BEST1: variants seen among roughly 807,000 people sequenced by gnomAD.
The protein encoded by BEST1 is bestrophin-1.
BEST1 carries 58 observed loss-of-function variants against 63.3 expected under a neutral mutation model. The observed-to-expected ratio is 0.92, with a 90% CI of 0.74 to 1.14. BEST1 has a LOEUF of 1.14. Ranked by LOEUF, BEST1 falls within the 50% of genes most tolerant of loss-of-function variation. The probability of loss-of-function intolerance (pLI) is 0.00; values close to 1 mark genes in which losing one functional copy is unlikely to be tolerated. For synonymous variants in BEST1, 283 were observed against 291.6 expected, an observed-to-expected ratio of 0.97 and a Z score of 0.30; for missense variants, 671 against 740.1, an observed-to-expected ratio of 0.91 and a Z score of 1.08.
Position 61,959,956 on chromosome 11 carries a change from G to C in BEST1, c.1013G>C (p.Trp338Ser). ...DLPRMEPDMY[W>S]NKPEPQPPYT... ...CCTCGGATGGAGCCGGACATGTACTGGAATAAGCCCGAGCCACAGCCCCCC... is the reference window on the plus strand; with the variant it reads ...CCTCGGATGGAGCCGGACATGTACTCGAATAAGCCCGAGCCACAGCCCCCC... Residue 338 changes from tryptophan to serine, a missense_variant, in exon 9 of 11, where the codon TGG becomes TCG. Trp to Ser is a radical substitution (Grantham distance 177). Transcript: ENST00000378043. 1 of 1,612,842 alleles carries C rather than the reference G, an allele frequency of 6.2e-7. No individual in the cohort carries two copies. Among genetic ancestry groups the C allele is most frequent in the South Asian group, 1.1e-5 (1 of 90,728 alleles).
chr11:61,954,406 AGAG>A (rs1179118870), intron 2 of BEST1, among the ~76,000 whole-genome samples: 2 of 152,210 alleles, frequency 1.3e-5, no homozygotes, highest in African/African-American at 4.8e-5. Flanking sequence ...AGCATCAGGC[AGAG>A]TAGTTTCACT....
rs281865238 is a variant in BEST1 at position 61,957,402 on chromosome 11, C to A, written c.652C>A (p.Arg218Ser). The A allele has an allele frequency of 6.2e-7, 1 of 1,613,890 alleles. No individual in the cohort carries two copies. The highest frequency in any genetic ancestry group is 2.2e-5 in the East Asian group (1 of 44,882). Residue 218 changes from arginine (R) to serine (S), a missense_variant, in exon 6 of 11, where the codon CGT becomes AGT. Physicochemically the swap from Arg to Ser is moderately radical, Grantham distance 110 (BLOSUM62 -1). Transcript: ENST00000378043. The stretch of plus-strand genomic sequence containing the variant: ...TGCCCCCCAGGAGATGAACACCTTG[C>A]GTACTCAGTGTGGACACCTGTATGC... ...QSLLNEMNTL[R>S]TQCGHLYAYD...
In BEST1 at chr11:61,956,795, C is replaced by T. The variant is rs775879338; in HGVS notation, c.482-49C>T. Reference sequence around the variant, plus strand: ...CTATAGGTCAGCAGGTGCCGGCCATCCCTTCTGCAGGTTCTCCCACCCACC... The same window carrying T: ...CTATAGGTCAGCAGGTGCCGGCCATTCCTTCTGCAGGTTCTCCCACCCACC... On this transcript the variant is annotated intron_variant, in intron 4 of 10. Coordinates refer to ENST00000378043, the MANE Select transcript of BEST1 (RefSeq NM_004183.4). The T allele has an allele frequency of 1.5e-5, 24 of 1,611,626 alleles. No individual in the cohort carries two copies. The South Asian group carries it at 2.6e-4, about 18-fold the overall frequency.
intron 7 of BEST1, 138 bp downstream of exon 7, chr11:61,958,436 T>A: frequency 6.5e-7 from 1 of 1,545,956 alleles, no homozygotes; most frequent in African/African-American, 1.4e-5. Flanking sequence ...GGCGCACACC[T>A]GTAATCCCAG....
At chr11:61,963,066 A>C (rs1942247897) in intron 10 of BEST1, 173 bp downstream of exon 10, 1 of 1,494,754 alleles carries the variant, frequency 6.7e-7, no homozygotes, top group Non-Finnish European at 8.9e-7. Flanking sequence ...CTTCACAGGG[A>C]TCCTAGGGAA....
intron 2 of BEST1, chr11:61,954,760 G>C: frequency 1.0e-6 from 1 of 981,278 alleles, no homozygotes; most frequent in East Asian, 1.1e-4. Flanking sequence ...CAAACACTCT[G>C]TTTCGACCTG....
chr11:61,956,885 AG>A lies in BEST1; in HGVS notation c.524del (p.Ser175ThrfsTer19). 6.2e-7 allele frequency: 1 copy of A among 1,614,086 alleles called. No individual in the cohort carries two copies. Among genetic ancestry groups the A allele is most frequent in the Non-Finnish European group, 8.5e-7 (1 of 1,180,006 alleles). The part of the protein sequence containing the change: ...PAEHKQLEKL[S>X]LPHNMFWVPW... Reference sequence around the variant, plus strand: ...AGAACACAAGCAGTTGGAGAAACTGAGCCTACCACACAACATGTTCTGGGTG... The same window carrying A: ...AGAACACAAGCAGTTGGAGAAACTGACCTACCACACAACATGTTCTGGGTG... On this transcript the variant is annotated frameshift_variant, in exon 5 of 11. Transcript: ENST00000378043. LOFTEE classifies it high-confidence loss of function.
chr11:61,952,977 C>T (rs947318761), intron 2 of BEST1, among the ~76,000 whole-genome samples: 4 of 151,924 alleles, frequency 2.6e-5, no homozygotes, highest in Non-Finnish European at 5.9e-5. Context: ...GTGGCATTTG[C>T]CTGTGGTCCC....
At chr11:61,958,893 C>T (rs1354976071) in intron 7 of BEST1, 3 of 102,386 alleles carry the variant, frequency 2.9e-5, no homozygotes, top group South Asian at 3.1e-4. Flanking sequence ...CACACACACA[C>T]ACACACACAC....
chr11:61,960,275 C>A lies in BEST1; in HGVS notation c.1100+232C>A, dbSNP rs111677305. 10,496 of 622,160 alleles carry A rather than the reference C, an allele frequency of 0.017. 386 individuals carry two copies. Among genetic ancestry groups the A allele is most frequent in the Admixed American group, 0.12 (4,231 of 34,498 alleles). The allele number at this position is 622,160 out of a possible 1,614,324, so 38.5% of individuals were successfully genotyped here. ...TCAGAGAGAGTAAGTTGTCCAAGGC[C>A]ACATAGCTACCAAATGGTGCATTTG... On this transcript the variant is annotated intron_variant, in intron 9 of 10. Coordinates refer to ENST00000378043, the MANE Select transcript of BEST1 (RefSeq NM_004183.4).
intron 10 of BEST1, chr11:61,963,102 C>A: frequency 1.4e-6 from 2 of 1,465,228 alleles, no homozygotes; most frequent in Non-Finnish European, 1.8e-6. Flanking sequence ...TCTCACTTCA[C>A]CCTGGTATCA....
chr11:61,957,019 G>A, intron 5 of BEST1, 21 bp downstream of exon 5: 2 of 1,614,016 alleles, frequency 1.2e-6, no homozygotes, highest in Non-Finnish European at 1.7e-6. Context: ...TGTACAGACA[G>A]GGCTGCCGCA....
Position 61,951,787 on chromosome 11 carries a change from C to T in BEST1, c.-20C>T. 6.2e-7 allele frequency: 1 copy of T among 1,610,902 alleles called. No individual in the cohort carries two copies. The highest frequency in any genetic ancestry group is 8.5e-7 in the Non-Finnish European group (1 of 1,179,920). On this transcript the variant is annotated 5_prime_UTR_variant, in exon 2 of 11. Coordinates refer to ENST00000378043, the MANE Select transcript of BEST1 (RefSeq NM_004183.4). Reference sequence around the variant, plus strand: ...CTCTACCAGGACCCAAGCCCACCTGCTGCAGCCCACTGCCTGGCCATGACC... The same window carrying T: ...CTCTACCAGGACCCAAGCCCACCTGTTGCAGCCCACTGCCTGGCCATGACC...
chr11:61,959,826 C>T (rs771220666), intron 8 of BEST1, 66 bp from the exon 9 acceptor site: 56 of 1,594,740 alleles, frequency 3.5e-5, no homozygotes, highest in Non-Finnish European at 4.7e-5. Flanking sequence ...TCCAAGTCAT[C>T]AGGCACATAC....
rs564496112 is a variant in BEST1, at chr11:61,954,921, G to A, written c.153-186G>A. 19 of 985,404 alleles carry A rather than the reference G, an allele frequency of 1.9e-5. No homozygotes were observed. The South Asian group carries it at 7.5e-4, about 39-fold the overall frequency. 61.0% of individuals were successfully genotyped at this position (985,404 alleles called of 1,614,324 possible). ...CACTGGAGGGGGCCTCCTCCTGTCC[G>A]GGTTTGGGGCTGTACAAGGAGCATC... On this transcript the variant is annotated intron_variant, in intron 2 of 10. Transcript: ENST00000378043.
intron 3 of BEST1, 25 bp from the exon 4 acceptor site, chr11:61,955,693 C>A: frequency 1.3e-6 from 2 of 1,529,372 alleles, no homozygotes; most frequent in South Asian, 2.4e-5. Flanking sequence ...CCCCTCGCCC[C>A]TCGCCCCCCG....
Position 61,962,511 on chromosome 11 carries a change from T to G in BEST1, c.1357T>G (p.Phe453Val). Residue 453 changes from phenylalanine (F) to valine (V), a missense_variant, in exon 10 of 11, where the codon TTC (phenylalanine) becomes GTC (valine). Transcript: ENST00000378043. ...CTGGAAGCTTAAGGCTGTGGACGCC[T>G]TCAAGTCTGCCCCACTGTATCAGAG... Reference protein sequence around the residue: ...KAWKLKAVDAFKSAPLYQRPG... With the variant: ...KAWKLKAVDAVKSAPLYQRPG... 6.2e-7 allele frequency: 1 copy of G among 1,614,128 alleles called. No individual in the cohort carries two copies. Among genetic ancestry groups the G allele is most frequent in the Non-Finnish European group, 8.5e-7 (1 of 1,180,000 alleles).
chr11:61,963,445 C>A (rs757010501), intron 10 of BEST1: 203 of 1,146,022 alleles, frequency 1.8e-4, no homozygotes, highest in Non-Finnish European at 2.1e-4. Context: ...GGGAACCTCA[C>A]CAAAATACTT....
rs543363751 is a variant in BEST1 at position 61,953,998 on chromosome 11, T to C, written c.153-1109T>C. The stretch of plus-strand genomic sequence containing the variant: ...ACCGAATATATGATAGCATTTTAAA[T>C]TGAAAAAGCACTAATGACTACAATG... On this transcript the variant is annotated intron_variant, in intron 2 of 10. Transcript: ENST00000378043. Among the ~76,000 whole-genome samples, 6 of 152,276 alleles carry C rather than the reference T, an allele frequency of 3.9e-5. No individual in the cohort carries two copies. The South Asian group carries it at 1.0e-3, about 26-fold the overall frequency.
Sources: gnomAD v4.1 joint callset for allele counts (sites outside exome capture counted in the v4.1 genomes callset) on GRCh38, gnomAD v4.1.1 for gene constraint, MANE v1.5 for transcripts, NCBI Gene and HGNC (gene_info 2026-07-23, HGNC 2026-07-21) for gene names.